Variants in ZNRF3 observed in about 807,000 individuals in gnomAD.
ZNRF3 encodes the protein E3 ubiquitin-protein ligase ZNRF3.
A neutral mutation model predicts 72.5 loss-of-function variants in ZNRF3; 23 were observed. The observed-to-expected ratio is 0.32, with a 90% confidence interval of 0.23 to 0.45. The LOEUF (loss-of-function observed/expected upper bound fraction) is 0.45, where lower values mean the gene tolerates loss of function less well. ZNRF3 is among the 20% of genes least tolerant of loss of function. ZNRF3 has a pLI of 1.00. For missense variants in ZNRF3, 1,169 were observed against 1,272.1 expected (o/e 0.92, Z 1.23); for synonymous variants, 610 against 545.3 (o/e 1.12, Z -1.65).
At chr22:29,040,123 G>C (rs1269319295) in intron 2 of ZNRF3, among the ~76,000 whole-genome samples, 1 of 152,078 alleles carries the variant, frequency 6.6e-6, no homozygotes. Context: ...AGTGACCAAG[G>C]CTGGGAATTT....
chr22:28,949,341 C>T (rs371204973), intron 1 of ZNRF3, among the ~76,000 whole-genome samples: 1 of 152,330 alleles, frequency 6.6e-6, no homozygotes, highest in East Asian at 1.9e-4. Flanking sequence ...GTGGCATGAG[C>T]TAGGCTCACT....
At chr22:28,955,380 A>T (rs984934826) in intron 1 of ZNRF3, among the ~76,000 whole-genome samples, 1 of 152,170 alleles carries the variant, frequency 6.6e-6, no homozygotes, top group Non-Finnish European at 1.5e-5. Flanking sequence ...AGGAAATATT[A>T]TCAAGAGTTT....
chr22:28,973,570 C>T (rs922542345), intron 1 of ZNRF3, among the ~76,000 whole-genome samples: 11 of 152,154 alleles, frequency 7.2e-5, no homozygotes, highest in Non-Finnish European at 2.9e-5. Context: ...AGCCCTTATT[C>T]ATCATAGCAC....
intron 2 of ZNRF3, 52 bp from the exon 3 acceptor site, chr22:29,042,443 G>A: frequency 6.4e-7 from 1 of 1,563,054 alleles, no homozygotes; most frequent in Non-Finnish European, 8.8e-7. Context: ...GGCCAACTTT[G>A]AAAAGGTAAG....
chr22:29,051,001 C>T, intron 8 of ZNRF3, 53 bp downstream of exon 8: 1 of 1,487,600 alleles, frequency 6.7e-7, no homozygotes. Context: ...TCAGGGTCGT[C>T]TTGTCTTCTG....
intron 1 of ZNRF3, among the ~76,000 whole-genome samples, chr22:28,945,764 G>A (rs142255160): frequency 0.011 from 1,728 of 151,986 alleles, 24 homozygotes; most frequent in African/African-American, 0.04. Flanking sequence ...TCTTGACCTC[G>A]TGATCTGCCC....
At chr22:29,031,601 A>G (rs1026054870) in intron 2 of ZNRF3, 2 of 985,608 alleles carry the variant, frequency 2.0e-6, no homozygotes, top group Non-Finnish European at 2.4e-6. Flanking sequence ...TAAGTGAAGA[A>G]CTCGAGGAGG....
At chr22:28,996,938 C>A (rs1358453902) in intron 2 of ZNRF3, among the ~76,000 whole-genome samples, 4 of 152,168 alleles carry the variant, frequency 2.6e-5, no homozygotes, top group Non-Finnish European at 5.9e-5. Flanking sequence ...TATCCTTCCG[C>A]ATGCCATCCT....
intron 2 of ZNRF3, among the ~76,000 whole-genome samples, chr22:29,020,249 C>CTT (rs756716817): frequency 0.13 from 11,925 of 91,400 alleles, 1,128 homozygotes; most frequent in Non-Finnish European, 0.18. Context: ...CACAACCATC[C>CTT]TTTTTTTTTT....
chr22:28,901,586 C>T (rs571273447), intron 1 of ZNRF3, among the ~76,000 whole-genome samples: 1 of 148,172 alleles, frequency 6.7e-6, no homozygotes, highest in South Asian at 2.1e-4. Context: ...AGCTGACTGG[C>T]GCATGGAGTC....
At chr22:28,988,512 T>G (rs2035896052) in intron 2 of ZNRF3, among the ~76,000 whole-genome samples, 1 of 152,160 alleles carries the variant, frequency 6.6e-6, no homozygotes, top group African/African-American at 2.4e-5. Context: ...CTCCTGCCCT[T>G]TAGTTGGAAA....
At chr22:28,914,607 G>A (rs550926405) in intron 1 of ZNRF3, among the ~76,000 whole-genome samples, 4 of 151,514 alleles carry the variant, frequency 2.6e-5, no homozygotes, top group South Asian at 4.2e-4. Flanking sequence ...CTGAAGTCAG[G>A]AGTTTGAGAC....
chr22:28,991,309 A>G (rs60508308), intron 2 of ZNRF3, among the ~76,000 whole-genome samples: 3,301 of 134,882 alleles, frequency 0.024, 102 homozygotes, highest in African/African-American at 0.065. Context: ...AAAAAAAAAA[A>G]AAGAAGAACA....
intron 1 of ZNRF3, among the ~76,000 whole-genome samples, chr22:28,954,055 A>T (rs1352981404): frequency 6.6e-6 from 1 of 152,218 alleles, no homozygotes; most frequent in Non-Finnish European, 1.5e-5. Flanking sequence ...AGGGCCTGGC[A>T]CACGGCTCAC....
rs1020177204 is a variant in ZNRF3, at chr22:29,054,240, C to A, written c.*618C>A. On this transcript the variant is annotated 3_prime_UTR_variant, in exon 9 of 9. Transcript: ENST00000544604. Reference sequence around the variant, plus strand: ...AATGTACACGATTTCAGGTCTCAGACGCCATGCCTCTCCAGCCCACGCCTT... The same window carrying A: ...AATGTACACGATTTCAGGTCTCAGAAGCCATGCCTCTCCAGCCCACGCCTT... 2.0e-5 allele frequency: 3 copies of A among 152,422 alleles called. No homozygotes were observed. Among genetic ancestry groups the A allele is most frequent in the African/African-American group, 4.8e-5 (2 of 41,470 alleles). The allele number at this position is 152,422 out of a possible 1,614,324, so 9.4% of individuals were successfully genotyped here. A position where few individuals can be genotyped will look rare whatever the true frequency, so the allele number is the denominator to read the frequency against.
At chr22:28,922,729 C>T (rs903042290) in intron 1 of ZNRF3, among the ~76,000 whole-genome samples, 23 of 152,208 alleles carry the variant, frequency 1.5e-4, no homozygotes, top group Admixed American at 1.3e-4. Flanking sequence ...ACCTAGCAGT[C>T]CTGGCCCATG....
intron 1 of ZNRF3, among the ~76,000 whole-genome samples, 176 bp from the exon 2 acceptor site, chr22:28,986,900 C>T (rs1232724637): frequency 3.9e-5 from 6 of 152,178 alleles, no homozygotes; most frequent in Non-Finnish European, 8.8e-5. Context: ...GTGTTCTCCC[C>T]AGTGCTCAGC....
intron 1 of ZNRF3, among the ~76,000 whole-genome samples, chr22:28,957,470 C>T (rs1030272393): frequency 2.6e-5 from 4 of 152,086 alleles, no homozygotes; most frequent in East Asian, 1.9e-4. Context: ...GACAGAGTCT[C>T]GCCCTGTCGC....
intron 2 of ZNRF3, chr22:29,018,052 G>A (rs759337959): frequency 1.9e-6 from 1 of 519,000 alleles, no homozygotes; most frequent in Non-Finnish European, 3.8e-6. Flanking sequence ...TGGAGCATCT[G>A]GTGCTTGGAG....
Sources: gnomAD v4.1 joint callset for allele counts (sites outside exome capture counted in the v4.1 genomes callset) on GRCh38, gnomAD v4.1.1 for gene constraint, MANE v1.5 for transcripts, NCBI Gene and HGNC (gene_info 2026-07-23, HGNC 2026-07-21) for gene names.